Variants in CD1C observed in about 807,000 individuals in gnomAD.
CD1C encodes the protein CD1c molecule.
CD1C carries 47 observed loss-of-function variants against 39.4 expected under a neutral mutation model. That is an observed-to-expected ratio of 1.19 (90% CI 0.94 to 1.52). The LOEUF is 1.52. Ranked by LOEUF, CD1C falls within the 40% of genes most tolerant of loss-of-function variation. The pLI is 0.00. For missense variants in CD1C, 417 were observed against 395.2 expected (o/e 1.06, Z -0.47); for synonymous variants, 165 against 150.8 (o/e 1.09, Z -0.69).
chr1:158,292,393 G>C (rs774213272), intron 3 of CD1C, 28 bp downstream of exon 3: 2 of 1,596,328 alleles, frequency 1.3e-6, no homozygotes, highest in Admixed American at 1.7e-5. Flanking sequence ...CTTCCTCTAA[G>C]ATTTTTCTAT....
intron 4 of CD1C, 33 bp downstream of exon 4, chr1:158,292,907 G>A: frequency 6.2e-7 from 1 of 1,607,816 alleles, no homozygotes; most frequent in Non-Finnish European, 8.5e-7. Context: ...TAGGTAGGTG[G>A]TTCTTGAGCC....
In CD1C at chr1:158,290,257, C is replaced by G. The variant is rs1009819027; in HGVS notation, c.61+132C>G. ...TACCTGTCTCCAGGTCCAGTTTACT[C>G]TTTTGGAGGATGGTGGCAGAGCATG... On this transcript the variant is annotated intron_variant, in intron 1 of 5. Transcript: ENST00000368170. 4.2e-6 allele frequency: 3 copies of G among 722,238 alleles called. No individual in the cohort carries two copies. In the African/African-American group the frequency reaches 5.3e-5, roughly 13 times the overall value. The allele number at this position is 722,238 out of a possible 1,614,324, so 44.7% of individuals were successfully genotyped here.
At chr1:158,290,198 C>G in intron 1 of CD1C, 73 bp downstream of exon 1, 5 of 1,325,270 alleles carry the variant, frequency 3.8e-6, no homozygotes, top group Non-Finnish European at 5.4e-6. Flanking sequence ...CGAGATGGAT[C>G]AATAGAGATG....
intron 5 of CD1C, 63 bp downstream of exon 5, chr1:158,293,365 T>C: frequency 6.3e-7 from 1 of 1,593,454 alleles, no homozygotes; most frequent in Non-Finnish European, 8.6e-7. Flanking sequence ...TTTTTCACTC[T>C]CTTAGCTTTT....
rs199561803 is a variant in CD1C, at chr1:158,293,518, A to C, written c.*42A>C. 2.5e-6 allele frequency: 4 copies of C among 1,614,030 alleles called. No individual in the cohort carries two copies. The highest frequency in any genetic ancestry group is 4.5e-5 in the East Asian group (2 of 44,878). On this transcript the variant is annotated 3_prime_UTR_variant, in exon 6 of 6. Transcript: ENST00000368170. ...TCCCCCATTGTGTTAAGAACCCAGC[A>C]ACCCAGGAGCCTAGTACAATATAGT...
Position 158,293,486 on chromosome 1 carries a change from C to T in CD1C, c.*10C>T, listed in dbSNP as rs1651127783. Reference sequence around the variant, plus strand: ...TCAGGACATCCTGTGAGACTCTTCCCCCTGACTCCCCCATTGTGTTAAGAA... The same window carrying T: ...TCAGGACATCCTGTGAGACTCTTCCTCCTGACTCCCCCATTGTGTTAAGAA... On this transcript the variant is annotated 3_prime_UTR_variant, in exon 6 of 6. Coordinates refer to ENST00000368170, the MANE Select transcript of CD1C (RefSeq NM_001765.3). The T allele has an allele frequency of 6.2e-7, 1 of 1,614,128 alleles. No homozygotes were observed.
At chr1:158,291,967 C>T (rs1651055291) in intron 2 of CD1C, 117 bp from the exon 3 acceptor site, 4 of 975,222 alleles carry the variant, frequency 4.1e-6, no homozygotes, top group Non-Finnish European at 6.1e-6. Context: ...GTCTTTGGCT[C>T]ACTCTCACAT....
rs772673920 is a variant in CD1C, at chr1:158,293,303, G to T, written c.980+1G>T. ...TTGTGTTATGGTTTAAGAAGCACTG[G>T]TGAGTTTTTTGTATTTCCTCCTCTC... is the stretch of plus-strand genomic sequence containing the variant. On this transcript the variant is annotated splice_donor_variant, in intron 5 of 5. Transcript: ENST00000368170. LOFTEE classifies it high-confidence loss of function. 4 of 1,613,022 alleles carry T rather than the reference G, an allele frequency of 2.5e-6. No homozygotes were observed. The South Asian group carries it at 3.3e-5, about 13-fold the overall frequency.
At chr1:158,291,750 A>T (rs988378260) in intron 2 of CD1C, among the ~76,000 whole-genome samples, 1 of 152,154 alleles carries the variant, frequency 6.6e-6, no homozygotes, top group Non-Finnish European at 1.5e-5. Context: ...AATGACCATT[A>T]TGACCAATTT....
intron 4 of CD1C, 112 bp downstream of exon 4, chr1:158,292,986 A>G (rs1651106855): frequency 9.3e-7 from 1 of 1,078,610 alleles, no homozygotes; most frequent in Non-Finnish European, 1.3e-6. Context: ...AGAAATGTAT[A>G]GGGTAATTTA....
chr1:158,294,678 G>A lies in CD1C; in HGVS notation c.*1202G>A, dbSNP rs1021666092. Among the ~76,000 whole-genome samples, 1 of 152,042 alleles carries A rather than the reference G, an allele frequency of 6.6e-6. No homozygotes were observed. The highest frequency in any genetic ancestry group is 2.4e-5 in the African/African-American group (1 of 41,380). On this transcript the variant is annotated 3_prime_UTR_variant, in exon 6 of 6. Coordinates refer to ENST00000368170, the MANE Select transcript of CD1C (RefSeq NM_001765.3). ...TGTAGTCAAGCACACCAACAACCTG[G>A]CATTCTTGCAACTACTGATATACTT...
rs1458037557 is a variant in CD1C, at chr1:158,294,380, CA to C, written c.*905del. On this transcript the variant is annotated 3_prime_UTR_variant, in exon 6 of 6. Coordinates refer to ENST00000368170, the MANE Select transcript of CD1C (RefSeq NM_001765.3). Reference sequence around the variant, plus strand: ...GGTACTGAGTTGAGACAGGCACATACAGCTTCTAAACTGGTGGTGGATAAAA... The same window carrying C: ...GGTACTGAGTTGAGACAGGCACATACGCTTCTAAACTGGTGGTGGATAAAA... 6.6e-6 allele frequency among the ~76,000 whole-genome samples: 1 copy of C among 152,216 alleles called. No homozygotes were observed. Among genetic ancestry groups the C allele is most frequent in the Non-Finnish European group, 1.5e-5 (1 of 68,046 alleles).
intron 4 of CD1C, 125 bp downstream of exon 4, chr1:158,292,999 G>T: frequency 1.0e-6 from 1 of 970,006 alleles, no homozygotes; most frequent in Non-Finnish European, 1.5e-6. Context: ...GTAATTTAAA[G>T]AATAGTGGAG....
At chr1:158,290,773 G>A (rs1043770083) in intron 1 of CD1C, among the ~76,000 whole-genome samples, 4 of 152,152 alleles carry the variant, frequency 2.6e-5, no homozygotes, top group Non-Finnish European at 4.4e-5. Flanking sequence ...CAAATGACAT[G>A]CTGTTTCTGT....
chr1:158,293,447 C>T lies in CD1C; in HGVS notation c.981-8C>T, dbSNP rs2101662167. On this transcript the variant is annotated splice_polypyrimidine_tract_variant and splice_region_variant and intron_variant, in intron 5 of 5. Transcript: ENST00000368170. ...TTCAGGGTTTCTCCCATTCCTGTTCCTTCACAGCTCATATCAGGACATCCT... is the reference window on the plus strand; with the variant it reads ...TTCAGGGTTTCTCCCATTCCTGTTCTTTCACAGCTCATATCAGGACATCCT... 3 of 1,613,906 alleles carry T rather than the reference C, an allele frequency of 1.9e-6. No individual in the cohort carries two copies. Among genetic ancestry groups the T allele is most frequent in the East Asian group, 4.5e-5 (2 of 44,874 alleles).
At position 158,294,645 on chromosome 1, in the gene CD1C, T is replaced by C. The variant is rs1238035574; in HGVS notation, c.*1169T>C. Among the ~76,000 whole-genome samples, 1 of 152,194 alleles carries C rather than the reference T, an allele frequency of 6.6e-6. No homozygotes were observed. The highest frequency in any genetic ancestry group is 1.5e-5 in the Non-Finnish European group (1 of 68,036). On this transcript the variant is annotated 3_prime_UTR_variant, in exon 6 of 6. Coordinates refer to ENST00000368170, the MANE Select transcript of CD1C (RefSeq NM_001765.3). ...AGATATTAAATGTCATAACCCCTCA[T>C]ACCTGTTTGTAGTCAAGCACACCAA...
Position 158,292,379 on chromosome 1 carries a change from G to T in CD1C, c.610+14G>T, listed in dbSNP as rs773557839. The T allele has an allele frequency of 1.2e-5, 20 of 1,604,772 alleles. No individual in the cohort carries two copies. In the African/African-American group the frequency reaches 1.9e-4, roughly 15 times the overall value. ...TACACAGGCAAGGTCAGTAGTTTCA[G>T]CCCCTTCCTCTAAGATTTTTCTATT... On this transcript the variant is annotated intron_variant, in intron 3 of 5. Transcript: ENST00000368170.
chr1:158,291,429 T>G (rs778417506), intron 2 of CD1C, 29 bp downstream of exon 2: 23 of 1,603,988 alleles, frequency 1.4e-5, no homozygotes, highest in Non-Finnish European at 1.9e-5. Flanking sequence ...ATTATGGGAG[T>G]TCTTTAGAAT....
rs776508449 is a variant in CD1C at position 158,292,039 on chromosome 1, C to T, written c.329-45C>T. 5 of 1,564,566 alleles carry T rather than the reference C, an allele frequency of 3.2e-6. No homozygotes were observed. The African/African-American group carries it at 6.9e-5, about 22-fold the overall frequency. ...CCCTAGGTTTTTATACTGTTGTTTT[C>T]ACTTTTTTGTTTGAACTCTTTTTCT... On this transcript the variant is annotated intron_variant, in intron 2 of 5. Transcript: ENST00000368170.
Sources: gnomAD v4.1 joint callset for allele counts (sites outside exome capture counted in the v4.1 genomes callset) on GRCh38, gnomAD v4.1.1 for gene constraint, MANE v1.5 for transcripts, NCBI Gene and HGNC (gene_info 2026-07-23, HGNC 2026-07-21) for gene names.